Variants in TNIK observed in about 807,000 individuals in gnomAD.
The protein encoded by TNIK is TRAF2 and NCK interacting kinase, also known as TRAF2 and NCK-interacting protein kinase.
Under a neutral mutation model 191.3 loss-of-function variants are expected in TNIK, and 49 were observed. The ratio of observed to expected loss-of-function variants is 0.26; its 90% CI spans 0.20 to 0.32. TNIK has a LOEUF of 0.32. Ranked by LOEUF, TNIK falls within the 10% of genes least tolerant of loss-of-function variation. The pLI, the probability that TNIK is intolerant of heterozygous loss-of-function variation, is 1.00. For missense variants in TNIK, 1,155 were observed against 1,702.3 expected (o/e 0.68, Z 5.66); for synonymous variants, 594 against 600.9 (o/e 0.99, Z 0.17).
chr3:171,165,094 C>T (rs530101882), intron 10 of TNIK, among the ~76,000 whole-genome samples: 25 of 152,156 alleles, frequency 1.6e-4, no homozygotes, highest in South Asian at 1.0e-3. Flanking sequence ...TCAAGACCAG[C>T]CTGGGCAACA....
chr3:171,270,636 C>T (rs1408686234), intron 2 of TNIK, among the ~76,000 whole-genome samples: 1 of 152,166 alleles, frequency 6.6e-6, no homozygotes, highest in Non-Finnish European at 1.5e-5. Flanking sequence ...AAATACCCAT[C>T]CCCATCTTTT....
intron 2 of TNIK, among the ~76,000 whole-genome samples, chr3:171,267,375 A>G (rs527819639): frequency 4.6e-5 from 7 of 152,344 alleles, no homozygotes; most frequent in Admixed American, 3.3e-4. Flanking sequence ...GTCTCTTCCA[A>G]AATGAAACAA....
intron 1 of TNIK, among the ~76,000 whole-genome samples, chr3:171,388,636 G>A (rs1719053023): frequency 6.6e-6 from 1 of 152,138 alleles, no homozygotes; most frequent in South Asian, 2.1e-4. Flanking sequence ...CACTACCTTT[G>A]TGTTCTACTT....
rs73879572 is a variant in TNIK at position 171,452,576 on chromosome 3, C to T, written c.57+7431G>A. Among the ~76,000 whole-genome samples, 569 of 152,186 alleles carry T rather than the reference C, an allele frequency of 3.7e-3. 8 individuals are homozygous for T. Among genetic ancestry groups the T allele is most frequent in the Non-Finnish European group, 4.6e-3 (311 of 68,006 alleles). On this transcript the variant is annotated intron_variant, in intron 1 of 32. Coordinates refer to ENST00000436636, the MANE Select transcript of TNIK (RefSeq NM_015028.4). ...CACCATCTCCCAAACTCTCTCTACC[C>T]GCTCACTGCCAGCTCTGTCAAGATA...
chr3:171,400,408 T>A (rs995649694), intron 1 of TNIK, among the ~76,000 whole-genome samples: 2 of 151,726 alleles, frequency 1.3e-5, no homozygotes, highest in Admixed American at 1.3e-4. Flanking sequence ...CTACAAAAAA[T>A]TTTACAAAAA....
intron 2 of TNIK, among the ~76,000 whole-genome samples, chr3:171,332,503 A>G (rs1756510525): frequency 6.6e-6 from 1 of 152,230 alleles, no homozygotes; most frequent in African/African-American, 2.4e-5. Flanking sequence ...ACAACCTTCC[A>G]AAATGGCCGG....
intron 8 of TNIK, among the ~76,000 whole-genome samples, chr3:171,176,124 G>A (rs951522823): frequency 2.0e-5 from 3 of 152,148 alleles, no homozygotes; most frequent in African/African-American, 7.2e-5. Flanking sequence ...CTCCCTAAAA[G>A]CCAAAGGATT....
At chr3:171,103,663 A>T (rs1350661421) in intron 21 of TNIK, among the ~76,000 whole-genome samples, 1 of 152,164 alleles carries the variant, frequency 6.6e-6, no homozygotes, top group East Asian at 1.9e-4. Flanking sequence ...GCTAGCATTT[A>T]AAATGTTACT....
Position 171,066,607 on chromosome 3 carries a change from C to T in TNIK, c.3828G>A (p.Val1276=), listed in dbSNP as rs1234472269. ...ACGTGGGCATTTCTCCCCATTGGAG[C>T]ACCACATCCTTAGTTATCCGGCCAT... is the stretch of plus-strand genomic sequence containing the variant. ...NTYGRITKDV[V]LQWGEMPTSV... is the part of the protein sequence containing the mutation. Residue 1276 remains valine (V), a synonymous_variant, in exon 31 of 33, where the codon GTG becomes GTA. Transcript: ENST00000436636. 2 of 1,613,500 alleles carry T rather than the reference C, an allele frequency of 1.2e-6. No homozygotes were observed. The highest frequency in any genetic ancestry group is 1.1e-5 in the South Asian group (1 of 91,032).
intron 3 of TNIK, among the ~76,000 whole-genome samples, 169 bp downstream of exon 3, chr3:171,227,996 T>C (rs1396648524): frequency 1.3e-5 from 2 of 152,226 alleles, no homozygotes; most frequent in Non-Finnish European, 2.9e-5. Flanking sequence ...GTTCTGAGCA[T>C]GTTTAAGGTA....
Position 171,145,870 on chromosome 3 carries a change from A to G in TNIK, c.1222-5361T>C, listed in dbSNP as rs566053945. Among the ~76,000 whole-genome samples the G allele has an allele frequency of 4.4e-4, 66 of 151,126 alleles. 1 individual carries two copies. In the South Asian group the frequency reaches 9.0e-3, roughly 21 times the overall value. On this transcript the variant is annotated intron_variant, in intron 12 of 32. Transcript: ENST00000436636. ...CCTACACCAGGGTGTTCTAGCTCTC[A>G]TAGAAGTGACTTTGATGAACTGCAA...
intron 1 of TNIK, among the ~76,000 whole-genome samples, chr3:171,382,579 C>T (rs1375694946): frequency 6.6e-6 from 1 of 152,126 alleles, no homozygotes; most frequent in African/African-American, 2.4e-5. Flanking sequence ...CTTCCCTACC[C>T]CTCTTGAAGC....
intron 2 of TNIK, 148 bp downstream of exon 2, chr3:171,369,472 T>C: frequency 1.9e-6 from 1 of 514,198 alleles, no homozygotes; most frequent in Non-Finnish European, 3.4e-6. Flanking sequence ...CACAGATATA[T>C]TTTAAAAGAT....
chr3:171,139,611 A>G, intron 13 of TNIK, 55 bp from the exon 14 acceptor site: 4 of 1,579,856 alleles, frequency 2.5e-6, no homozygotes, highest in East Asian at 2.2e-5. Context: ...AGAGAAATGA[A>G]CCAGTAATTT....
intron 1 of TNIK, among the ~76,000 whole-genome samples, chr3:171,380,485 C>T (rs1213221783): frequency 6.6e-6 from 1 of 152,222 alleles, no homozygotes; most frequent in Non-Finnish European, 1.5e-5. Flanking sequence ...TCATTTACCA[C>T]CTGCTTACAA....
At chr3:171,421,724 A>ATTTTTTTTTTTTTTT (rs67895255) in intron 1 of TNIK, among the ~76,000 whole-genome samples, 1 of 91,354 alleles carries the variant, frequency 1.1e-5, no homozygotes. Context: ...TAGTTGTGTA[A>ATTTTTTTTTTTTTTT]TTTTTTTTTT....
In TNIK at chr3:171,126,023, C is replaced by T. The variant is rs1170384097; in HGVS notation, c.1902G>A (p.Glu634=). The part of the protein sequence containing the change: ...EALNVTSHRV[E]MPRQNSDPTS... The stretch of plus-strand genomic sequence containing the variant: ...TGGGATCTGAGTTCTGGCGTGGCAT[C>T]TCCACGCGGTGGGAGGTCACGTTCA... Residue 634 remains glutamate (E), a synonymous_variant, in exon 17 of 33, where the codon GAG becomes GAA. Transcript: ENST00000436636. 6.2e-7 allele frequency: 1 copy of T among 1,613,982 alleles called. No individual in the cohort carries two copies. Among genetic ancestry groups the T allele is most frequent in the Non-Finnish European group, 8.5e-7 (1 of 1,179,888 alleles).
chr3:171,121,465 G>T (rs537399077), intron 18 of TNIK, among the ~76,000 whole-genome samples: 1 of 152,176 alleles, frequency 6.6e-6, no homozygotes, highest in African/African-American at 2.4e-5. Flanking sequence ...AAGTACTAGT[G>T]CATTGGAGCT....
chr3:171,385,320 G>T (rs535530838), intron 1 of TNIK, among the ~76,000 whole-genome samples: 1 of 152,258 alleles, frequency 6.6e-6, no homozygotes, highest in South Asian at 2.1e-4. Flanking sequence ...CAGCCTAGGG[G>T]TTAAGAGAGA....
Sources: gnomAD v4.1 joint callset for allele counts (sites outside exome capture counted in the v4.1 genomes callset) on GRCh38, gnomAD v4.1.1 for gene constraint, MANE v1.5 for transcripts, NCBI Gene and HGNC (gene_info 2026-07-23, HGNC 2026-07-21) for gene names.